PDE10A: variants seen among roughly 807,000 people sequenced by gnomAD.
PDE10A encodes the protein phosphodiesterase 10A.
PDE10A carries 39 observed loss-of-function variants against 97.7 expected under a neutral mutation model. The observed-to-expected ratio is 0.40, with a 90% CI of 0.31 to 0.52. The LOEUF (loss-of-function observed/expected upper bound fraction) is 0.52, where lower values mean the gene tolerates loss of function less well. Among genes scored for constraint, PDE10A ranks in the 20% least tolerant of loss-of-function variants. The pLI, the probability that PDE10A is intolerant of heterozygous loss-of-function variation, is 0.56. For missense variants in PDE10A, 731 were observed against 1,047.8 expected (o/e 0.70, Z 4.17); for synonymous variants, 371 against 376.8 (o/e 0.98, Z 0.18).
At chr6:165,605,145 C>G (rs1375140112) in intron 1 of PDE10A, among the ~76,000 whole-genome samples, 1 of 152,074 alleles carries the variant, frequency 6.6e-6, no homozygotes, top group Non-Finnish European at 1.5e-5. Flanking sequence ...TGAATTTAAG[C>G]CTTCATCATC....
intron 1 of PDE10A, among the ~76,000 whole-genome samples, chr6:165,797,296 A>G (rs1225907288): frequency 2.0e-5 from 3 of 152,224 alleles, no homozygotes; most frequent in African/African-American, 7.2e-5. Context: ...TGTCACTTGC[A>G]ATCAACAAGA....
chr6:165,479,669 C>T (rs993211407), intron 3 of PDE10A, among the ~76,000 whole-genome samples: 2 of 152,178 alleles, frequency 1.3e-5, no homozygotes, highest in Non-Finnish European at 2.9e-5. Flanking sequence ...TGAACTGTTT[C>T]CACAACTCCC....
chr6:165,743,415 GT>G (rs1026658193), intron 1 of PDE10A, among the ~76,000 whole-genome samples: 1 of 152,112 alleles, frequency 6.6e-6, no homozygotes, highest in African/African-American at 2.4e-5. Context: ...GGACGTCACT[GT>G]TTTTTAATGT....
At chr6:165,633,387 C>T (rs985984365) in intron 1 of PDE10A, among the ~76,000 whole-genome samples, 18 of 152,244 alleles carry the variant, frequency 1.2e-4, no homozygotes, top group African/African-American at 4.3e-4. Flanking sequence ...TAAAGATATC[C>T]TATACATTAA....
At chr6:165,834,069 G>A (rs767570400) in intron 1 of PDE10A, among the ~76,000 whole-genome samples, 14 of 152,354 alleles carry the variant, frequency 9.2e-5, no homozygotes, top group Non-Finnish European at 2.1e-4. Context: ...TCCCACTTGC[G>A]AGGGGCTCAC....
intron 1 of PDE10A, among the ~76,000 whole-genome samples, chr6:165,774,490 A>T (rs1460053786): frequency 6.8e-6 from 1 of 148,050 alleles, no homozygotes; most frequent in Non-Finnish European, 1.5e-5. Context: ...AAAAATATGT[A>T]TAGATATTTA....
chr6:165,945,912 G>A (rs1016698738), intron 1 of PDE10A, among the ~76,000 whole-genome samples: 90 of 152,272 alleles, frequency 5.9e-4, no homozygotes, highest in African/African-American at 2.1e-3. Context: ...TTGCACTTTA[G>A]CAACTGTAAA....
At chr6:165,390,140 A>T (rs956622089) in intron 16 of PDE10A, among the ~76,000 whole-genome samples, 1 of 152,204 alleles carries the variant, frequency 6.6e-6, no homozygotes, top group Non-Finnish European at 1.5e-5. Flanking sequence ...AAAGAGAAGG[A>T]TTAAGAAAAA....
In PDE10A at chr6:165,433,146, CA is replaced by C; in HGVS notation, c.1336-18del. On this transcript the variant is annotated intron_variant, in intron 6 of 21. Coordinates refer to ENST00000539869, the MANE Select transcript of PDE10A (RefSeq NM_001385079.1). The stretch of plus-strand genomic sequence containing the variant: ...TCGTTCATCCTGAAAAACAAAAAGA[CA>C]AAAAGACATAAATTCAGTGAAATGA... 6.3e-7 allele frequency: 1 copy of C among 1,591,428 alleles called. No homozygotes were observed. Among genetic ancestry groups the C allele is most frequent in the Non-Finnish European group, 8.6e-7 (1 of 1,164,726 alleles).
In PDE10A at chr6:165,971,386, A is replaced by C. The variant is rs118130962; in HGVS notation, c.-615+16143T>G. Among the ~76,000 whole-genome samples the C allele has an allele frequency of 2.5e-3, 380 of 152,244 alleles. 10 individuals are homozygous for C. The East Asian group carries it at 0.064, about 26-fold the overall frequency. On this transcript the variant is annotated intron_variant, in intron 1 of 19. Transcript: ENST00000366882. The stretch of plus-strand genomic sequence containing the variant: ...TCCCTTCCAGAAACCTCTGCAACAC[A>C]CTGGACGACCTCACTTAAGGGCTCA...
chr6:165,884,956 G>C (rs989113501), intron 1 of PDE10A, among the ~76,000 whole-genome samples: 27 of 152,208 alleles, frequency 1.8e-4, no homozygotes, highest in Admixed American at 1.8e-3. Flanking sequence ...TTGCAAGGCT[G>C]TGTCGTCCTG....
At chr6:165,658,918 G>C (rs3008059) in intron 1 of PDE10A, among the ~76,000 whole-genome samples, 12,770 of 152,270 alleles carry the variant, frequency 0.084, 599 homozygotes, top group Non-Finnish European at 0.11. Context: ...AACTTCAAAC[G>C]TGCTTCTAGG....
intron 1 of PDE10A, among the ~76,000 whole-genome samples, chr6:165,873,446 G>A (rs1457356882): frequency 6.6e-6 from 1 of 152,110 alleles, no homozygotes; most frequent in Non-Finnish European, 1.5e-5. Flanking sequence ...TTGAACATCT[G>A]TAAAACAGTG....
intron 1 of PDE10A, among the ~76,000 whole-genome samples, chr6:165,793,522 C>G (rs1778716581): frequency 6.6e-6 from 1 of 152,118 alleles, no homozygotes; most frequent in Admixed American, 6.5e-5. Context: ...TGACAGTGCG[C>G]TCCCTGAAAT....
In PDE10A at chr6:165,958,498, C is replaced by CAAGA. The variant is rs1379022208; in HGVS notation, c.-615+29027_-615+29030dup. On this transcript the variant is annotated intron_variant, in intron 1 of 19. Transcript: ENST00000366882. ...AAAGAAAGAGAGAAAGAGAGAAAGA[C>CAAGA]AAGAAAGAAAGAAAGAAAGAAAGAA... 8.8e-3 allele frequency among the ~76,000 whole-genome samples: 511 copies of CAAGA among 57,776 alleles called. 21 individuals are homozygous for CAAGA. Among genetic ancestry groups the CAAGA allele is most frequent in the Non-Finnish European group, 0.012 (352 of 28,950 alleles). The allele number at this position is 57,776 out of a possible 152,430, so 37.9% of individuals were successfully genotyped here.
intron 1 of PDE10A, among the ~76,000 whole-genome samples, chr6:165,738,762 G>A (rs1413015826): frequency 6.6e-5 from 10 of 152,160 alleles, no homozygotes; most frequent in Non-Finnish European, 1.5e-4. Flanking sequence ...TCTGATGGCT[G>A]GTGATGGTGA....
intron 1 of PDE10A, among the ~76,000 whole-genome samples, chr6:165,985,719 A>C (rs1785173066): frequency 8.0e-6 from 1 of 125,662 alleles, no homozygotes; most frequent in African/African-American, 2.7e-5. Context: ...ACAGGCATTC[A>C]TGTAGGCTCT....
At chr6:165,783,097 T>C (rs1778389690) in intron 1 of PDE10A, among the ~76,000 whole-genome samples, 1 of 152,094 alleles carries the variant, frequency 6.6e-6, no homozygotes. Context: ...GTAACATTTT[T>C]TGGCTACTTA....
At chr6:165,851,944 G>A (rs1780584540) in intron 1 of PDE10A, among the ~76,000 whole-genome samples, 1 of 152,068 alleles carries the variant, frequency 6.6e-6, no homozygotes, top group African/African-American at 2.4e-5. Context: ...AAAGCTATAT[G>A]TATAGATATA....
Sources: allele counts gnomAD v4.1 joint callset (sites outside exome capture counted in the v4.1 genomes callset), GRCh38; gene constraint gnomAD v4.1.1; transcripts MANE v1.5; gene names NCBI Gene and HGNC (gene_info 2026-07-23, HGNC 2026-07-21).